Variants in CD46 observed in about 807,000 individuals in gnomAD.
The protein encoded by CD46 is membrane cofactor protein.
A neutral mutation model predicts 53.3 loss-of-function variants in CD46; 30 were observed. The ratio of observed to expected loss-of-function variants is 0.56; its 90% CI spans 0.42 to 0.76. The LOEUF is 0.76. Among genes scored for constraint, CD46 ranks in the 30% least tolerant of loss-of-function variants. The probability of loss-of-function intolerance (pLI) is 0.00; values close to 1 mark genes in which losing one functional copy is unlikely to be tolerated. For missense variants in CD46, 409 were observed against 463.0 expected (o/e 0.88, Z 1.07); for synonymous variants, 142 against 152.0 (o/e 0.93, Z 0.48).
intron 5 of CD46, among the ~76,000 whole-genome samples, chr1:207,765,217 A>T (rs1013747429): frequency 3.3e-5 from 5 of 152,246 alleles, no homozygotes; most frequent in Admixed American, 6.5e-5. Context: ...ATCTTATTAG[A>T]TGCAAAAAAC....
intron 11 of CD46, among the ~76,000 whole-genome samples, chr1:207,789,731 C>T (rs1341044917): frequency 6.6e-6 from 1 of 151,770 alleles, no homozygotes; most frequent in Non-Finnish European, 1.5e-5. Flanking sequence ...CAATGTATTC[C>T]CTCAAAATTG....
chr1:207,790,434 G>A, intron 12 of CD46, 89 bp downstream of exon 12: 1 of 697,742 alleles, frequency 1.4e-6, no homozygotes, highest in Non-Finnish European at 2.6e-6. Flanking sequence ...TGAGCAAAGA[G>A]ATATTGGCAG....
intron 8 of CD46, among the ~76,000 whole-genome samples, chr1:207,774,802 G>A (rs1434804120): frequency 2.0e-5 from 3 of 152,122 alleles, no homozygotes; most frequent in African/African-American, 7.2e-5. Context: ...CTTTCTCTCT[G>A]GCTGCCCTTA....
intron 9 of CD46, 137 bp downstream of exon 9, chr1:207,783,467 G>T (rs1258576590): frequency 1.2e-5 from 7 of 606,488 alleles, no homozygotes; most frequent in Middle Eastern, 6.9e-4. Flanking sequence ...TTGTATGTAG[G>T]TTAAAATATA....
intron 2 of CD46, 73 bp downstream of exon 2, chr1:207,757,275 C>A: frequency 7.9e-7 from 1 of 1,266,310 alleles, no homozygotes. Flanking sequence ...ACATATTCCA[C>A]TACGGTGATG....
intron 6 of CD46, chr1:207,767,501 A>G (rs1656991509): frequency 4.1e-6 from 4 of 975,366 alleles, no homozygotes; most frequent in South Asian, 2.6e-5. Context: ...GAATTGAAAC[A>G]TGGGCATTTT....
chr1:207,767,696 A>C, intron 6 of CD46, 83 bp from the exon 7 acceptor site: 1 of 1,592,680 alleles, frequency 6.3e-7, no homozygotes, highest in Non-Finnish European at 8.6e-7. Flanking sequence ...TATATGTTAC[A>C]AGATATAAGG....
intron 2 of CD46, 115 bp downstream of exon 2, chr1:207,757,317 A>T: frequency 9.7e-7 from 1 of 1,027,476 alleles, no homozygotes. Flanking sequence ...GAGGTTCAAG[A>T]TAACAATGCA....
At chr1:207,775,941 C>T (rs1428577832) in intron 8 of CD46, among the ~76,000 whole-genome samples, 6 of 152,222 alleles carry the variant, frequency 3.9e-5, no homozygotes, top group Non-Finnish European at 5.9e-5. Flanking sequence ...GAAGCTGCTG[C>T]GTTTTGTTCT....
At chr1:207,776,244 T>A (rs1658089238) in intron 8 of CD46, among the ~76,000 whole-genome samples, 1 of 152,204 alleles carries the variant, frequency 6.6e-6, no homozygotes, top group African/African-American at 2.4e-5. Flanking sequence ...CAGTATTTGG[T>A]CAGGAGTGTA....
intron 9 of CD46, chr1:207,783,610 C>G (rs931037033): frequency 7.6e-6 from 2 of 262,050 alleles, no homozygotes; most frequent in East Asian, 1.4e-4. Flanking sequence ...TTCTGTAACA[C>G]GCTGATTTAA....
intron 5 of CD46, among the ~76,000 whole-genome samples, chr1:207,764,948 G>A (rs181602333): frequency 2.6e-5 from 4 of 152,328 alleles, no homozygotes; most frequent in African/African-American, 9.6e-5. Flanking sequence ...CCCATTTTAT[G>A]ATGATAGCAT....
At position 207,794,860 on chromosome 1, in the gene CD46, TTA is replaced by T. The variant is rs1660113622; in HGVS notation, c.*1385_*1386del. The T allele has an allele frequency of 6.6e-6, 1 of 152,252 alleles. No individual in the cohort carries two copies. Among genetic ancestry groups the T allele is most frequent in the African/African-American group, 2.4e-5 (1 of 41,462 alleles). The allele number at this position is 152,252 out of a possible 1,614,324, so 9.4% of individuals were successfully genotyped here. A position where few individuals can be genotyped will look rare whatever the true frequency, so the allele number is the denominator to read the frequency against. On this transcript the variant is annotated 3_prime_UTR_variant, in exon 13 of 13. Coordinates refer to ENST00000367042, the MANE Select transcript of CD46 (RefSeq NM_172351.3). ...CTGTTAAAAGTTGTGTTTTGAAATT[TTA>T]TGTTTAGTTGCACAAATTGGGCCAA...
chr1:207,789,882 A>AG (rs1467672755), intron 11 of CD46, among the ~76,000 whole-genome samples: 1 of 150,498 alleles, frequency 6.6e-6, no homozygotes, highest in African/African-American at 2.5e-5. Context: ...AAAAAAAAAA[A>AG]AAAAAAAAAA....
At chr1:207,767,851 T>C in intron 7 of CD46, 28 bp downstream of exon 7, 1 of 1,534,958 alleles carries the variant, frequency 6.5e-7, no homozygotes, top group Non-Finnish European at 9.0e-7. Flanking sequence ...TTATAGTTTT[T>C]CAAAAATCCT....
intron 2 of CD46, 52 bp from the exon 3 acceptor site, chr1:207,757,488 T>A: frequency 8.4e-7 from 1 of 1,190,036 alleles, no homozygotes; most frequent in Non-Finnish European, 1.2e-6. Flanking sequence ...TGATTTTGAT[T>A]CAGATCTGTT....
At chr1:207,767,885 A>G in intron 7 of CD46, 62 bp downstream of exon 7, 1 of 1,299,958 alleles carries the variant, frequency 7.7e-7, no homozygotes, top group East Asian at 2.3e-5. Context: ...GATTTTTTAT[A>G]AAATCCTTCA....
chr1:207,762,674 T>TG (rs1392086360), intron 5 of CD46: 1 of 152,744 alleles, frequency 6.5e-6, no homozygotes, highest in East Asian at 1.9e-4. Context: ...CTTTACCACT[T>TG]GCTGGTGGAG....
In CD46 at chr1:207,794,397, A is replaced by G. The variant is rs886045841; in HGVS notation, c.*920A>G. 2 of 152,196 alleles carry G rather than the reference A, an allele frequency of 1.3e-5. No homozygotes were observed. Among genetic ancestry groups the G allele is most frequent in the Admixed American group, 6.5e-5 (1 of 15,278 alleles). 9.4% of individuals were successfully genotyped at this position (152,196 alleles called of 1,614,324 possible). ...GTTGTTTTCCCAAAGAGAACTCCGT[A>G]TGTTCTCTTAGGTTGAGTAACCCAC... On this transcript the variant is annotated 3_prime_UTR_variant, in exon 13 of 13. Transcript: ENST00000367042.
Sources: gnomAD v4.1 joint callset for allele counts (sites outside exome capture counted in the v4.1 genomes callset) on GRCh38, gnomAD v4.1.1 for gene constraint, MANE v1.5 for transcripts, NCBI Gene and HGNC (gene_info 2026-07-23, HGNC 2026-07-21) for gene names.